Variants in BAP1 observed in about 807,000 individuals in gnomAD.
BAP1 encodes the protein BRCA1 associated deubiquitinase 1.
BAP1 carries 16 observed loss-of-function variants against 77.2 expected under a neutral mutation model. The ratio of observed to expected loss-of-function variants is 0.21; its 90% CI spans 0.14 to 0.31. BAP1 has a LOEUF of 0.31. Among genes scored for constraint, BAP1 ranks in the 10% least tolerant of loss-of-function variants. The pLI is 1.00. For missense variants in BAP1, 699 were observed against 967.3 expected (o/e 0.72, Z 3.68); for synonymous variants, 362 against 385.2 (o/e 0.94, Z 0.71).
At chr3:52,409,661 G>A (rs1040348181) in intron 2 of BAP1, 53 bp from the exon 3 acceptor site, 1 of 1,613,940 alleles carries the variant, frequency 6.2e-7, no homozygotes, top group Non-Finnish European at 8.5e-7. Flanking sequence ...ATGAGTGAGG[G>A]CGCAGGGGTG....
In BAP1 at chr3:52,402,982, C is replaced by G; in HGVS notation, c.1891-111G>C. The G allele has an allele frequency of 6.2e-7, 1 of 1,600,238 alleles. No homozygotes were observed. The highest frequency in any genetic ancestry group is 8.5e-7 in the Non-Finnish European group (1 of 1,177,784). ...GCAGCGAGTCCATGCCTATCAAGGC[C>G]CCTGCCACCACCCAACCCAGAAAGT... On this transcript the variant is annotated intron_variant, in intron 14 of 16. Coordinates refer to ENST00000460680, the MANE Select transcript of BAP1 (RefSeq NM_004656.4). This position sits in a 1 kb window ranked among gnomAD's most constrained non-coding sequence, Gnocchi z 5.3.
chr3:52,408,738 G>A (rs1705248079), intron 3 of BAP1, 132 bp from the exon 4 acceptor site: 1 of 1,195,358 alleles, frequency 8.4e-7, no homozygotes, highest in Admixed American at 2.3e-5. Flanking sequence ...CCTCTCCCCT[G>A]GCTTCTTCCC....
Position 52,403,183 on chromosome 3 carries a change from C to T in BAP1, c.1845G>A (p.Met615Ile), listed in dbSNP as rs2153226458. Residue 615 changes from methionine to isoleucine, a missense_variant, in exon 14 of 17, where the codon ATG becomes ATA. Coordinates refer to ENST00000460680, the MANE Select transcript of BAP1 (RefSeq NM_004656.4). The surrounding 1 kb of genome is among the most constrained non-coding windows in gnomAD (Gnocchi z 4.0). ...CACTCAAGGGCTCGCCAGGCCTCAC[C>T]ATCCCCGTCTTCTCTCTGCTGTCCG... ...EATDSREKTGMVRPGEPLSGE... is the reference protein window; with the variant it reads ...EATDSREKTGIVRPGEPLSGE... 6.2e-7 allele frequency: 1 copy of T among 1,614,172 alleles called. No homozygotes were observed. The highest frequency in any genetic ancestry group is 1.6e-4 in the Middle Eastern group (1 of 6,062).
intron 11 of BAP1, 100 bp from the exon 12 acceptor site, chr3:52,404,686 T>C (rs1354765608): frequency 3.3e-6 from 5 of 1,514,024 alleles, no homozygotes; most frequent in Non-Finnish European, 4.4e-6. Flanking sequence ...TTTTCCAGAC[T>C]GAGTCAGCGG....
chr3:52,408,695 C>G (rs781238431), intron 3 of BAP1, 89 bp from the exon 4 acceptor site: 1 of 1,452,562 alleles, frequency 6.9e-7, no homozygotes, highest in Admixed American at 2.0e-5. Context: ...CTTTGCACTG[C>G]GTCATCACTC....
chr3:52,405,131 A>G lies in BAP1; in HGVS notation c.1095T>C (p.Asn365=), dbSNP rs2153227000. The change falls in exon 11 of 17, where the codon AAT becomes AAC. Residue 365 remains asparagine (N), a synonymous_variant. Coordinates refer to ENST00000460680, the MANE Select transcript of BAP1 (RefSeq NM_004656.4). ...TTACCTGCATGGGGGACTTGGCATA[A>G]TTGTGATTGTCTAGAAAGGCCGGCA... is the stretch of plus-strand genomic sequence containing the variant. ...QRLPAFLDNH[N]YAKSPMQEEE... is the part of the protein sequence containing the mutation. 1 of 1,614,126 alleles carries G rather than the reference A, an allele frequency of 6.2e-7. No individual in the cohort carries two copies. The highest frequency in any genetic ancestry group is 8.5e-7 in the Non-Finnish European group (1 of 1,180,022).
chr3:52,407,832 A>G (rs1380529317), intron 5 of BAP1, 126 bp downstream of exon 5: 1 of 1,444,866 alleles, frequency 6.9e-7, no homozygotes, highest in Non-Finnish European at 9.5e-7. Context: ...CAAATGTAAC[A>G]TAAACAATCA....
Position 52,402,326 on chromosome 3 carries a change from G to A in BAP1, c.2152C>T (p.Arg718Trp), listed in dbSNP as rs1186981831. 6.3e-7 allele frequency: 1 copy of A among 1,593,896 alleles called. No individual in the cohort carries two copies. The highest frequency in any genetic ancestry group is 8.5e-7 in the Non-Finnish European group (1 of 1,171,758). ...GCCTTGTAGGGGCGAGAGCGTTTCC[G>A]CCGGTCAGGCTTCCGCTGCTTGTGG... ...RLHKQRKPDRRKRSRPYKAKR... is the reference protein window; with the variant it reads ...RLHKQRKPDRWKRSRPYKAKR... The change falls in exon 17 of 17, where the codon CGG (arginine) becomes TGG (tryptophan). Residue 718 changes from arginine (R) to tryptophan (W), a missense_variant. By Grantham distance (101) the Arg-to-Trp change is moderately radical (BLOSUM62 -3). Around this residue, in one of 3 missense-constraint regions of BAP1, gnomAD observed 64 missense variants for 112.1 expected, o/e 0.57. Transcript: ENST00000460680. This position sits in a 1 kb window ranked among gnomAD's most constrained non-coding sequence, Gnocchi z 5.3.
Position 52,403,603 on chromosome 3 carries a change from G to A in BAP1, c.1542C>T (p.Ala514=), listed in dbSNP as rs1553644891. The change falls in exon 13 of 17, where the codon GCC becomes GCT. Residue 514 remains alanine, a synonymous_variant. Transcript: ENST00000460680. The surrounding 1 kb of genome is among the most constrained non-coding windows in gnomAD (Gnocchi z 4.0). ...CAGGGCTGGAGGGCCGCGTCGGGTT[G>A]GCTGAGCGGATAGGCGAGCGCAGTG... The part of the protein sequence containing the change: ...NSPLRSPIRS[A]NPTRPSSPVT... The A allele has an allele frequency of 1.9e-6, 3 of 1,614,208 alleles. No homozygotes were observed. The highest frequency in any genetic ancestry group is 2.5e-6 in the Non-Finnish European group (3 of 1,180,032).
In BAP1 at chr3:52,402,067, C is replaced by T. The variant is rs1467996416; in HGVS notation, c.*221G>A. On this transcript the variant is annotated 3_prime_UTR_variant, in exon 17 of 17. Transcript: ENST00000460680. This position sits in a 1 kb window ranked among gnomAD's most constrained non-coding sequence, Gnocchi z 5.3. ...GGAAGCTGCAGTACCTCGCTGTGCCCCAACTCCAGATGCTGCCTCCTGAGC... is the reference window on the plus strand; with the variant it reads ...GGAAGCTGCAGTACCTCGCTGTGCCTCAACTCCAGATGCTGCCTCCTGAGC... 2.6e-6 allele frequency: 2 copies of T among 774,580 alleles called. No homozygotes were observed. Among genetic ancestry groups the T allele is most frequent in the Middle Eastern group, 3.8e-4 (1 of 2,656 alleles). The allele number at this position is 774,580 out of a possible 1,614,324, so 48.0% of individuals were successfully genotyped here. A position where few individuals can be genotyped will look rare whatever the true frequency, so the allele number is the denominator to read the frequency against.
In BAP1 at chr3:52,407,847, A is replaced by C. The variant is rs34712081; in HGVS notation, c.375+111T>G. ...CAAATGTAACATAAACAATCATTTG[A>C]AAAAGAAACAGCCTAATAGTACCCA... On this transcript the variant is annotated intron_variant, in intron 5 of 16. Coordinates refer to ENST00000460680, the MANE Select transcript of BAP1 (RefSeq NM_004656.4). 0.018 allele frequency: 27,135 copies of C among 1,513,968 alleles called. 342 individuals carry two copies. The highest frequency in any genetic ancestry group is 0.02 in the Non-Finnish European group (22,356 of 1,105,502). 93.8% of individuals were successfully genotyped at this position (1,513,968 alleles called of 1,614,324 possible).
chr3:52,409,268 T>G (rs1197485841), intron 3 of BAP1, among the ~76,000 whole-genome samples: 1 of 152,146 alleles, frequency 6.6e-6, no homozygotes, highest in East Asian at 1.9e-4. Context: ...CAAAAGACAT[T>G]GTGTGACCGG....
chr3:52,408,213 C>G (rs1467698609), intron 4 of BAP1, 136 bp from the exon 5 acceptor site: 1 of 1,440,462 alleles, frequency 6.9e-7, no homozygotes, highest in Non-Finnish European at 9.5e-7. Context: ...TTCATCTTTG[C>G]CTAATGTTTA....
Position 52,403,227 on chromosome 3 carries a change from T to C in BAP1, c.1801A>G (p.Lys601Glu), listed in dbSNP as rs142059527. 1.9e-5 allele frequency: 30 copies of C among 1,614,134 alleles called. No individual in the cohort carries two copies. In the South Asian group the frequency reaches 2.2e-4, roughly 12 times the overall value. The change falls in exon 14 of 17, where the codon AAG (lysine) becomes GAG (glutamate). Residue 601 changes from lysine to glutamate, a missense_variant. By Grantham distance (56) the Lys-to-Glu change is moderately conservative (BLOSUM62 1). Transcript: ENST00000460680. The surrounding 1 kb of genome is among the most constrained non-coding windows in gnomAD (Gnocchi z 4.0). ...CTGTCCGTGGCTTCCACGACCTCCT[T>C]CTCCACTGGGCTGCTGGACCCCTGG... Reference protein sequence around the residue: ...GSQGSSSPVEKEVVEATDSRE... With the variant: ...GSQGSSSPVEEEVVEATDSRE...
At position 52,404,581 on chromosome 3, in the gene BAP1, T is replaced by C. The variant is rs747713857; in HGVS notation, c.1122A>G (p.Glu374=). Residue 374 remains glutamate, a synonymous_variant, in exon 12 of 17, where the codon GAA becomes GAG. Transcript: ENST00000460680. The part of the protein sequence containing the change: ...HNYAKSPMQE[E]EDLAAGVGRS... ...GGCCCACACCTGCCGCCAGGTCTTCTTCCTCCTGGGACAAAGACCAGGGCA... is the reference window on the plus strand; with the variant it reads ...GGCCCACACCTGCCGCCAGGTCTTCCTCCTCCTGGGACAAAGACCAGGGCA... 1.2e-6 allele frequency: 2 copies of C among 1,613,382 alleles called. No homozygotes were observed. Among genetic ancestry groups the C allele is most frequent in the East Asian group, 2.2e-5 (1 of 44,874 alleles).
rs751271086 is a variant in BAP1 at position 52,402,693 on chromosome 3, CTG to C, written c.1984-21_1984-20del. On this transcript the variant is annotated intron_variant, in intron 15 of 16. Transcript: ENST00000460680. The surrounding 1 kb of genome is among the most constrained non-coding windows in gnomAD (Gnocchi z 5.3). ...CATCAATCTGTAGGAGAGAAGAAGA[CTG>C]AGAGCACTGGAGCCAATCTTGCCAG... is the stretch of plus-strand genomic sequence containing the variant. The C allele has an allele frequency of 8.7e-6, 14 of 1,614,166 alleles. No individual in the cohort carries two copies. The highest frequency in any genetic ancestry group is 5.5e-5 in the South Asian group (5 of 91,088).
In BAP1 at chr3:52,401,740, A is replaced by G; in HGVS notation, c.*548T>C. On this transcript the variant is annotated 3_prime_UTR_variant, in exon 17 of 17. Transcript: ENST00000460680. ...CTCTCCTAAGAGGAATGAAGAGAGAAGACCTGGCTTCCTTACAACAGGGAC... is the reference window on the plus strand; with the variant it reads ...CTCTCCTAAGAGGAATGAAGAGAGAGGACCTGGCTTCCTTACAACAGGGAC... 4.1e-6 allele frequency: 1 copy of G among 246,160 alleles called. No individual in the cohort carries two copies. The highest frequency in any genetic ancestry group is 8.0e-6 in the Non-Finnish European group (1 of 124,914). 15.2% of individuals were successfully genotyped at this position (246,160 alleles called of 1,614,324 possible).
chr3:52,405,980 G>T (rs2153227338), intron 9 of BAP1, 68 bp from the exon 10 acceptor site: 2 of 1,602,970 alleles, frequency 1.2e-6, no homozygotes. Flanking sequence ...ATAGCTAAGG[G>T]CTGAGGACCT....
chr3:52,402,749 C>T lies in BAP1; in HGVS notation c.1983+30G>A, dbSNP rs371507917. On this transcript the variant is annotated intron_variant, in intron 15 of 16. Transcript: ENST00000460680. This position sits in a 1 kb window ranked among gnomAD's most constrained non-coding sequence, Gnocchi z 5.3. ...AGCCACCAGTGGACCTCGGGAGAGG[C>T]CAGATCAGGCAACTGGAGAAATCAC... is the stretch of plus-strand genomic sequence containing the variant. The T allele has an allele frequency of 3.7e-6, 6 of 1,614,192 alleles. No homozygotes were observed. The highest frequency in any genetic ancestry group is 5.1e-6 in the Non-Finnish European group (6 of 1,180,004).
Sources: allele counts gnomAD v4.1 joint callset (sites outside exome capture counted in the v4.1 genomes callset), GRCh38; gene constraint gnomAD v4.1.1; regional missense constraint gnomAD v4.1.1; non-coding constraint Gnocchi (gnomAD v3.1); transcripts MANE v1.5; gene names NCBI Gene and HGNC (gene_info 2026-07-23, HGNC 2026-07-21).